Variants in KCNJ1 observed in about 807,000 individuals in gnomAD.
KCNJ1 encodes the protein potassium inwardly rectifying channel subfamily J member 1.
A neutral mutation model predicts 21.9 loss-of-function variants in KCNJ1; 24 were observed. That is an observed-to-expected ratio of 1.10 (90% CI 0.79 to 1.54). The LOEUF is 1.54. KCNJ1 is among the 40% of genes most tolerant of loss of function. KCNJ1 has a pLI of 0.00. For missense variants in KCNJ1, 457 were observed against 455.4 expected (o/e 1.00, Z -0.03); for synonymous variants, 152 against 160.9 (o/e 0.94, Z 0.42).
At chr11:128,850,975 G>T in intron 1 of KCNJ1, 85 bp from the exon 2 acceptor site, 1 of 702,310 alleles carries the variant, frequency 1.4e-6, no homozygotes, top group Non-Finnish European at 1.7e-6. Flanking sequence ...CAGTTAGTTT[G>T]GACCAGGAAC....
intron 1 of KCNJ1, among the ~76,000 whole-genome samples, chr11:128,851,375 T>C (rs1943475591): frequency 6.6e-6 from 1 of 152,238 alleles, no homozygotes; most frequent in Non-Finnish European, 1.5e-5. Context: ...AGTGGATTAT[T>C]TTATAAAGTG....
intron 2 of KCNJ1, among the ~76,000 whole-genome samples, chr11:128,846,452 C>G (rs1023053338): frequency 6.6e-6 from 1 of 152,046 alleles, no homozygotes. Context: ...CCTCCTGGAG[C>G]GAAATGGGCC....
intron 2 of KCNJ1, among the ~76,000 whole-genome samples, chr11:128,844,150 G>A (rs1223464341): frequency 6.6e-6 from 1 of 152,182 alleles, no homozygotes; most frequent in Non-Finnish European, 1.5e-5. Flanking sequence ...CATAGTATCT[G>A]GTGGCTCCCA....
chr11:128,866,049 C>T (rs145550226), intron 1 of KCNJ1, among the ~76,000 whole-genome samples: 3 of 152,228 alleles, frequency 2.0e-5, no homozygotes, highest in East Asian at 1.9e-4. Context: ...ATGGCCCATA[C>T]GTTCCCAGAT....
chr11:128,849,900 G>T (rs112284396), intron 2 of KCNJ1, among the ~76,000 whole-genome samples: 40 of 151,976 alleles, frequency 2.6e-4, no homozygotes, highest in Non-Finnish European at 5.6e-4. Context: ...CCTCCTGCCC[G>T]CCCGCCAACC....
chr11:128,849,257 C>CTT (rs1337589526), intron 2 of KCNJ1, among the ~76,000 whole-genome samples: 13 of 152,226 alleles, frequency 8.5e-5, no homozygotes, highest in Admixed American at 8.5e-4. Context: ...ACTGACAAGT[C>CTT]TTTGCTTTTA....
intron 2 of KCNJ1, among the ~76,000 whole-genome samples, chr11:128,847,128 A>G (rs1260904742): frequency 6.6e-6 from 1 of 152,092 alleles, no homozygotes; most frequent in Non-Finnish European, 1.5e-5. Context: ...CTACTCCCTA[A>G]CAGCCCCTAA....
chr11:128,839,325 C>A lies in KCNJ1; in HGVS notation c.919G>T (p.Ala307Ser), dbSNP rs775088508. The A allele has an allele frequency of 3.1e-6, 5 of 1,614,024 alleles. No individual in the cohort carries two copies. The highest frequency in any genetic ancestry group is 4.2e-6 in the Non-Finnish European group (5 of 1,180,028). ...PEEVLWGYRF[A>S]PIVSKTKEGK... ...TCCTTTGTCTTGGATACTATGGGAGCAAAACGGTAGCCCCAAAGCACCTCC... is the reference window on the plus strand; with the variant it reads ...TCCTTTGTCTTGGATACTATGGGAGAAAAACGGTAGCCCCAAAGCACCTCC... The change falls in exon 3 of 3, where the codon GCT becomes TCT. Residue 307 changes from alanine to serine, a missense_variant. Ala to Ser is a moderately conservative substitution (Grantham distance 99, BLOSUM62 1). Coordinates refer to ENST00000392666, the MANE Select transcript of KCNJ1 (RefSeq NM_153766.3).
In KCNJ1 at chr11:128,839,242, A is replaced by AG. The variant is rs768286324; in HGVS notation, c.1001dup (p.His335SerfsTer8). On this transcript the variant is annotated frameshift_variant, in exon 3 of 3. Coordinates refer to ENST00000392666, the MANE Select transcript of KCNJ1 (RefSeq NM_153766.3). LOFTEE classifies it high-confidence loss of function. The stretch of plus-strand genomic sequence containing the variant: ...CATTATAAAGGCACATGGCACAGTG[A>AG]GGGGTCTCCACTTCCACTGTCTTGC... 7.1e-5 allele frequency: 114 copies of AG among 1,614,008 alleles called. No individual in the cohort carries two copies. The highest frequency in any genetic ancestry group is 9.7e-5 in the Non-Finnish European group (114 of 1,179,990).
chr11:128,854,248 G>C (rs576704139), intron 1 of KCNJ1, among the ~76,000 whole-genome samples: 1 of 152,134 alleles, frequency 6.6e-6, no homozygotes, highest in Non-Finnish European at 1.5e-5. Flanking sequence ...CTGGGAGCTC[G>C]GTTTCTTTTC....
intron 2 of KCNJ1, chr11:128,842,594 T>G: frequency 7.1e-7 from 1 of 1,412,314 alleles, no homozygotes; most frequent in South Asian, 1.5e-5. Flanking sequence ...GGCAATTGGT[T>G]GTTCTCAGAC....
At chr11:128,859,317 C>A (rs1278226242) in intron 1 of KCNJ1, among the ~76,000 whole-genome samples, 1 of 152,198 alleles carries the variant, frequency 6.6e-6, no homozygotes, top group Non-Finnish European at 1.5e-5. Context: ...TGCAGTGGCA[C>A]AATCATAGCT....
At chr11:128,852,890 G>A (rs1481322518) in intron 1 of KCNJ1, among the ~76,000 whole-genome samples, 1 of 152,276 alleles carries the variant, frequency 6.6e-6, no homozygotes, top group Admixed American at 6.5e-5. Context: ...GGCAAGCTCA[G>A]GGCCCTCACT....
Position 128,851,473 on chromosome 11 carries a change from G to A in KCNJ1, c.-191-583C>T, listed in dbSNP as rs187254390. 3.2e-3 allele frequency among the ~76,000 whole-genome samples: 481 copies of A among 152,260 alleles called. 1 individual carries two copies. Among genetic ancestry groups the A allele is most frequent in the Non-Finnish European group, 4.8e-3 (326 of 68,016 alleles). Reference sequence around the variant, plus strand: ...GGAGGAGATGGTTGTTCTAAAAACCGGATAAATCTGTAATGAAACTGTTCT... The same window carrying A: ...GGAGGAGATGGTTGTTCTAAAAACCAGATAAATCTGTAATGAAACTGTTCT... On this transcript the variant is annotated intron_variant, in intron 1 of 2. Transcript: ENST00000392666.
chr11:128,845,604 G>C (rs1018843951), intron 2 of KCNJ1, among the ~76,000 whole-genome samples: 3 of 152,084 alleles, frequency 2.0e-5, no homozygotes, highest in African/African-American at 7.2e-5. Flanking sequence ...TTTCCCTTCT[G>C]TTCGGTAATG....
At chr11:128,863,790 A>T (rs537327856) in intron 1 of KCNJ1, among the ~76,000 whole-genome samples, 57 of 152,288 alleles carry the variant, frequency 3.7e-4, no homozygotes, top group Non-Finnish European at 6.0e-4. Flanking sequence ...ATAGTTTTGA[A>T]GCGACCTGTT....
rs147429494 is a variant in KCNJ1 at position 128,838,260 on chromosome 11, C to T, written c.*865G>A. On this transcript the variant is annotated 3_prime_UTR_variant, in exon 3 of 3. Coordinates refer to ENST00000392666, the MANE Select transcript of KCNJ1 (RefSeq NM_153766.3). ...AACATTCTGACTGTGGGGCTCCATC[C>T]CATTCCTCTCTCTTTCCCACTTCTT... The T allele has an allele frequency of 1.3e-5, 2 of 152,698 alleles. No individual in the cohort carries two copies. The highest frequency in any genetic ancestry group is 2.9e-5 in the Non-Finnish European group (2 of 68,040). 9.5% of individuals were successfully genotyped at this position (152,698 alleles called of 1,614,324 possible). A position where few individuals can be genotyped will look rare whatever the true frequency, so the allele number is the denominator to read the frequency against.
chr11:128,846,179 G>A (rs978714029), intron 2 of KCNJ1, among the ~76,000 whole-genome samples: 10 of 152,134 alleles, frequency 6.6e-5, no homozygotes, highest in Admixed American at 2.0e-4. Context: ...ACATTGATTT[G>A]AACCCTATCT....
At chr11:128,854,038 T>TACCC (rs1275847028) in intron 1 of KCNJ1, among the ~76,000 whole-genome samples, 1 of 149,426 alleles carries the variant, frequency 6.7e-6, no homozygotes, top group African/African-American at 2.5e-5. Flanking sequence ...TGGGCCCTCA[T>TACCC]ACCCACCCAC....
Sources: gnomAD v4.1 joint callset for allele counts (sites outside exome capture counted in the v4.1 genomes callset) on GRCh38, gnomAD v4.1.1 for gene constraint, MANE v1.5 for transcripts, NCBI Gene and HGNC (gene_info 2026-07-23, HGNC 2026-07-21) for gene names.